The following ZNF185 variants were observed in gnomAD, a reference collection of about 807,000 sequenced individuals.
ZNF185 encodes the protein zinc finger protein 185 with LIM domain.
Under a neutral mutation model 58.6 loss-of-function variants are expected in ZNF185, and 56 were observed. The observed-to-expected ratio is 0.95, with a 90% CI of 0.77 to 1.19. The LOEUF (loss-of-function observed/expected upper bound fraction) is 1.19, where lower values mean the gene tolerates loss of function less well. ZNF185 is among the 50% of genes most tolerant of loss of function. The pLI, the probability that ZNF185 is intolerant of heterozygous loss-of-function variation, is 0.00. For synonymous variants in ZNF185, 230 were observed against 215.9 expected (o/e 1.07, Z -0.57); for missense variants, 627 against 573.5 (o/e 1.09, Z -0.95).
At chrX:152,969,567 G>A (rs1488181025) in intron 21 of ZNF185, 83 bp downstream of exon 23, 1 of 728,792 alleles carries the variant, frequency 1.4e-6, no homozygotes, top group African/African-American at 2.1e-5. Flanking sequence ...GAGTGCGGGA[G>A]TCTTACGGGT....
At chrX:152,941,727 C>T (rs1471526796) in intron 15 of ZNF185, 9 of 1,163,494 alleles carry the variant, frequency 7.7e-6, no homozygotes, top group Non-Finnish European at 1.0e-5. Context: ...CCGGGACGAG[C>T]TCGGCCTCGG....
chrX:152,964,625 T>A (rs1271777411), intron 18 of ZNF185, among the ~76,000 whole-genome samples: 4 of 111,937 alleles, frequency 3.6e-5, no homozygotes, highest in African/African-American at 6.5e-5. Context: ...AAGCCCCACC[T>A]CCAACACTGG....
chrX:152,951,364 G>A (rs1409150428), intron 16 of ZNF185, among the ~76,000 whole-genome samples: 4 of 99,991 alleles, frequency 4.0e-5, no homozygotes, highest in Admixed American at 3.4e-4. Flanking sequence ...CTGAATAAAA[G>A]TTTTAACCAT....
chrX:152,921,266 G>A (rs925486800), intron 9 of ZNF185, among the ~76,000 whole-genome samples: 1 of 111,756 alleles, frequency 8.9e-6, no homozygotes. Context: ...GAAAATATTC[G>A]GGGGAAAGCA....
intron 16 of ZNF185, among the ~76,000 whole-genome samples, chrX:152,952,648 A>G (rs1293078581): frequency 1.8e-5 from 2 of 110,412 alleles, no homozygotes; most frequent in East Asian, 5.7e-4. Context: ...TGTAGGAGGT[A>G]GAGGCATTGA....
intron 16 of ZNF185, among the ~76,000 whole-genome samples, chrX:152,950,664 A>G (rs781869402): frequency 1.7e-4 from 19 of 112,112 alleles, no homozygotes; most frequent in African/African-American, 5.5e-4. Context: ...TTACAAGGTG[A>G]AAGAACTAAT....
At chrX:152,907,718 G>C in the ZNF185 span, among the ~76,000 whole-genome samples, 2 of 113,098 alleles carry the variant, frequency 1.8e-5, no homozygotes, top group Non-Finnish European at 3.7e-5. Flanking sequence ...GCTTTGCTCA[G>C]AGTCAGCACA....
intron 14 of ZNF185, among the ~76,000 whole-genome samples, chrX:152,937,272 C>G (rs1201733714): frequency 3.6e-5 from 4 of 111,895 alleles, no homozygotes; most frequent in African/African-American, 1.3e-4. Context: ...TGGCTTTACT[C>G]AGCAGCAGCT....
chrX:152,950,249 T>C (rs1032210553), intron 16 of ZNF185, among the ~76,000 whole-genome samples: 3 of 112,116 alleles, frequency 2.7e-5, no homozygotes, highest in Non-Finnish European at 5.6e-5. Flanking sequence ...AAAACATAAA[T>C]AAACTAGTAA....
At chrX:152,942,097 T>C (rs371448556) in intron 15 of ZNF185, among the ~76,000 whole-genome samples, 18 of 92,083 alleles carry the variant, frequency 2.0e-4, no homozygotes, top group African/African-American at 6.8e-4. Context: ...GGCTGGTCTG[T>C]GGGGCAGTGA....
At chrX:152,928,694 G>A in intron 12 of ZNF185, 33 bp downstream of exon 13, 1 of 1,184,357 alleles carries the variant, frequency 8.4e-7, no homozygotes, top group Non-Finnish European at 1.1e-6. Context: ...CTGGCTCCCT[G>A]GACACCATTC....
intron 15 of ZNF185, chrX:152,941,656 C>G: frequency 8.6e-7 from 1 of 1,157,921 alleles, no homozygotes; most frequent in Non-Finnish European, 1.2e-6. Flanking sequence ...TTCTTGAAGC[C>G]CCGAACTCGG....
At chrX:152,905,713 T>TC in the ZNF185 span, among the ~76,000 whole-genome samples, 1 of 71,172 alleles carries the variant, frequency 1.4e-5, no homozygotes, top group African/African-American at 5.0e-5. Context: ...CAGACAGGCT[T>TC]GGGGGGGGGG....
Position 152,922,186 on chromosome X carries a change from G to T in ZNF185, c.670G>T (p.Glu224Ter), listed in dbSNP as rs782584730. 8.4e-7 allele frequency: 1 copy of T among 1,195,289 alleles called. No homozygotes were observed. Among genetic ancestry groups the T allele is most frequent in the Non-Finnish European group, 1.1e-6 (1 of 887,023 alleles). The stretch of plus-strand genomic sequence containing the variant: ...TCTTGCTCAAAGGGTGGAGGTGGTG[G>T]AAGAGGACGGGCCTTCTGAGAAGAG... The change falls in exon 10 of 23, where the codon GAA (glutamate) becomes TAA (stop). Residue 224 changes from glutamate to a stop codon, truncating the protein, a stop_gained. Coordinates refer to ENST00000449285, the Ensembl canonical transcript of ZNF185. LOFTEE classifies it high-confidence loss of function.
intron 12 of ZNF185, among the ~76,000 whole-genome samples, chrX:152,930,671 C>T (rs1158191970): frequency 9.0e-6 from 1 of 111,084 alleles, no homozygotes; most frequent in Non-Finnish European, 1.9e-5. Flanking sequence ...AGGAGACAGC[C>T]CAGCAAGTGG....
exon 18 of ZNF185, chrX:152,963,856 G>A (rs782197385): frequency 8.3e-6 from 10 of 1,209,281 alleles, no homozygotes; most frequent in South Asian, 3.5e-5. Flanking sequence ...AGCCCCTCGA[G>A]CTGCATGGTC....
At chrX:152,939,216 G>T (rs1271211554) in intron 15 of ZNF185, among the ~76,000 whole-genome samples, 1 of 110,267 alleles carries the variant, frequency 9.1e-6, no homozygotes, top group East Asian at 2.8e-4. Flanking sequence ...CAAGATGCTG[G>T]GGGCTGGGGT....
chrX:152,930,431 G>A (rs782597321), intron 12 of ZNF185, among the ~76,000 whole-genome samples: 1 of 111,980 alleles, frequency 8.9e-6, no homozygotes, highest in South Asian at 3.7e-4. Context: ...TTTACATGGG[G>A]CTCATGGTGA....
intron 16 of ZNF185, among the ~76,000 whole-genome samples, chrX:152,947,815 G>A (rs956349696): frequency 9.8e-5 from 11 of 111,999 alleles, no homozygotes; most frequent in Non-Finnish European, 2.1e-4. Flanking sequence ...TGGCTGGGTG[G>A]GTGAGTCCAC....
Sources: gnomAD v4.1 joint callset for allele counts (sites outside exome capture counted in the v4.1 genomes callset) on GRCh38, gnomAD v4.1.1 for gene constraint, MANE v1.5 for transcripts, NCBI Gene and HGNC (gene_info 2026-07-23, HGNC 2026-07-21) for gene names.